CCDC192: variants seen among roughly 807,000 people sequenced by gnomAD.
The protein encoded by CCDC192 is coiled-coil domain-containing protein 192.
intron 5 of CCDC192, among the ~76,000 whole-genome samples, chr5:127,833,775 G>C (rs969905051): frequency 2.0e-5 from 3 of 152,100 alleles, no homozygotes; most frequent in Non-Finnish European, 2.9e-5. Flanking sequence ...ACAGTAAGCT[G>C]TATAAAAAAC....
intron 3 of CCDC192, among the ~76,000 whole-genome samples, chr5:127,759,940 A>T (rs1332339780): frequency 6.6e-6 from 1 of 151,912 alleles, no homozygotes; most frequent in African/African-American, 2.4e-5. Flanking sequence ...TCTGTCCATT[A>T]TCTGATTTTG....
At chr5:127,935,099 CAT>C (rs1561557994) in intron 6 of CCDC192, 1 of 152,276 alleles carries the variant, frequency 6.6e-6, no homozygotes, top group East Asian at 1.9e-4. Context: ...AGTAAACCTT[CAT>C]GAGTGAGTAC....
At chr5:127,706,886 T>A (rs1750997531) in intron 1 of CCDC192, among the ~76,000 whole-genome samples, 1 of 152,134 alleles carries the variant, frequency 6.6e-6, no homozygotes, top group South Asian at 2.1e-4. Flanking sequence ...TGACATTTGA[T>A]CAAAGACGAG....
In CCDC192 at chr5:127,830,346, C is replaced by T. The variant is rs116205748; in HGVS notation, c.411+32184C>T. 4.4e-3 allele frequency among the ~76,000 whole-genome samples: 677 copies of T among 152,258 alleles called. 3 individuals carry two copies. Among genetic ancestry groups the T allele is most frequent in the African/African-American group, 0.016 (656 of 41,556 alleles). ...TTGTGTGTTAGTCTGTGAGGGCTGC[C>T]ATAACAACATGCCACAGACTGGGTG... On this transcript the variant is annotated intron_variant, in intron 5 of 6. Coordinates refer to ENST00000514853, the MANE Select transcript of CCDC192 (RefSeq NM_001317938.2).
intron 6 of CCDC192, among the ~76,000 whole-genome samples, chr5:127,937,154 T>A (rs1754209324): frequency 6.6e-6 from 1 of 152,252 alleles, no homozygotes; most frequent in East Asian, 1.9e-4. Context: ...TATACTTGTA[T>A]GAGAATTTTT....
chr5:127,709,070 G>T (rs1380336580), intron 2 of CCDC192, among the ~76,000 whole-genome samples: 1 of 150,918 alleles, frequency 6.6e-6, no homozygotes, highest in Non-Finnish European at 1.5e-5. Context: ...CTTTCGGAAA[G>T]GGGTGGCGAG....
chr5:127,871,803 A>G (rs1172720672), intron 5 of CCDC192, among the ~76,000 whole-genome samples: 1 of 152,242 alleles, frequency 6.6e-6, no homozygotes, highest in African/African-American at 2.4e-5. Context: ...TCCTTTTCAA[A>G]ACATTGCACA....
chr5:127,881,859 A>C (rs1457511635), intron 6 of CCDC192, among the ~76,000 whole-genome samples: 1 of 152,176 alleles, frequency 6.6e-6, no homozygotes, highest in African/African-American at 2.4e-5. Context: ...TCAGTAAAAC[A>C]CCTATTGTAT....
intron 5 of CCDC192, among the ~76,000 whole-genome samples, chr5:127,817,527 A>G (rs2127012575): frequency 6.6e-6 from 1 of 152,362 alleles, no homozygotes; most frequent in East Asian, 1.9e-4. Flanking sequence ...AAGTGAAAGA[A>G]GCCAAAAACA....
At chr5:127,871,771 CAAT>C (rs1751872298) in intron 5 of CCDC192, among the ~76,000 whole-genome samples, 2 of 152,210 alleles carry the variant, frequency 1.3e-5, no homozygotes, top group African/African-American at 4.8e-5. Flanking sequence ...AGCCATTCAG[CAAT>C]ATGATACGAA....
In CCDC192 at chr5:127,750,604, G is replaced by C. The variant is rs1329206130; in HGVS notation, c.115-3664G>C. Among the ~76,000 whole-genome samples the C allele has an allele frequency of 3.8e-3, 561 of 149,082 alleles. 3 individuals are homozygous for C. Among genetic ancestry groups the C allele is most frequent in the African/African-American group, 0.013 (527 of 40,426 alleles). On this transcript the variant is annotated intron_variant, in intron 2 of 6. Coordinates refer to ENST00000514853, the MANE Select transcript of CCDC192 (RefSeq NM_001317938.2). ...ATGTATATTCTGTTGATTTGGGGTG[G>C]AGAGTTCTGTAGATGTCTATTAGGT... is the stretch of plus-strand genomic sequence containing the variant.
At chr5:127,731,335 A>G (rs1323715354) in intron 2 of CCDC192, among the ~76,000 whole-genome samples, 1 of 152,218 alleles carries the variant, frequency 6.6e-6, no homozygotes, top group Admixed American at 6.5e-5. Flanking sequence ...TTCAAGAAGA[A>G]CTACAAACTA....
rs924688945 is a variant in CCDC192 at position 127,801,529 on chromosome 5, C to A, written c.411+3367C>A. On this transcript the variant is annotated intron_variant, in intron 5 of 6. Coordinates refer to ENST00000514853, the MANE Select transcript of CCDC192 (RefSeq NM_001317938.2). Reference sequence around the variant, plus strand: ...CCTACTACTAGAATGGAGCTGCTATCTTTCTTTACATATCCAGTATTATTT... The same window carrying A: ...CCTACTACTAGAATGGAGCTGCTATATTTCTTTACATATCCAGTATTATTT... Among the ~76,000 whole-genome samples, 5 of 152,168 alleles carry A rather than the reference C, an allele frequency of 3.3e-5. No homozygotes were observed. In the South Asian group the frequency reaches 8.3e-4, roughly 25 times the overall value.
chr5:127,886,953 G>T (rs868828614), intron 6 of CCDC192, among the ~76,000 whole-genome samples: 10 of 152,146 alleles, frequency 6.6e-5, no homozygotes, highest in African/African-American at 2.2e-4. Context: ...GTCTTCAAAG[G>T]CAGAACAAGT....
chr5:127,880,714 T>A (rs1486289122), intron 6 of CCDC192, among the ~76,000 whole-genome samples: 1 of 152,000 alleles, frequency 6.6e-6, no homozygotes, highest in Non-Finnish European at 1.5e-5. Flanking sequence ...GCACGGTGGC[T>A]CACACCTGTA....
At chr5:127,803,604 C>T (rs979920453) in intron 5 of CCDC192, among the ~76,000 whole-genome samples, 2 of 152,078 alleles carry the variant, frequency 1.3e-5, no homozygotes, top group Non-Finnish European at 2.9e-5. Flanking sequence ...TTAGTATTAG[C>T]GGGTATAAGT....
At chr5:127,937,176 A>G (rs1580845457) in intron 6 of CCDC192, among the ~76,000 whole-genome samples, 1 of 152,306 alleles carries the variant, frequency 6.6e-6, no homozygotes, top group East Asian at 1.9e-4. Flanking sequence ...TAATTTTAGT[A>G]TGTCTTTAGG....
At chr5:127,853,373 A>G (rs1472588839) in intron 5 of CCDC192, among the ~76,000 whole-genome samples, 1 of 152,180 alleles carries the variant, frequency 6.6e-6, no homozygotes, top group African/African-American at 2.4e-5. Context: ...CACTCTTAAC[A>G]AGTTGTCTAT....
chr5:127,742,968 GT>G (rs1753507773), intron 2 of CCDC192, among the ~76,000 whole-genome samples: 1 of 151,816 alleles, frequency 6.6e-6, no homozygotes, highest in African/African-American at 2.4e-5. Context: ...AGGTTTTTTT[GT>G]TTCCTCCTCC....
Sources: allele counts gnomAD v4.1 joint callset (sites outside exome capture counted in the v4.1 genomes callset), GRCh38; gene constraint gnomAD v4.1.1; transcripts MANE v1.5; gene names NCBI Gene and HGNC (gene_info 2026-07-23, HGNC 2026-07-21).